The following BLTP3A variants were observed in gnomAD, a reference collection of about 807,000 sequenced individuals.
The protein encoded by BLTP3A is ICBP90 binding protein 1.
the BLTP3A span, among the ~76,000 whole-genome samples, chr6:34,868,769 T>A: frequency 6.7e-5 from 10 of 150,030 alleles, no homozygotes; most frequent in African/African-American, 2.5e-4. Flanking sequence ...TGCGTGCCTA[T>A]AGTTCTAGCT....
the BLTP3A span, among the ~76,000 whole-genome samples, chr6:34,808,771 G>A: frequency 6.6e-6 from 1 of 151,882 alleles, no homozygotes; most frequent in African/African-American, 2.4e-5. Context: ...GTAGAGACAG[G>A]GTTTCATCAT....
the BLTP3A span, among the ~76,000 whole-genome samples, chr6:34,842,781 T>C: frequency 1.9e-4 from 29 of 152,162 alleles, no homozygotes; most frequent in Non-Finnish European, 4.1e-4. Context: ...AGATCAGTGT[T>C]ACAAACTATG....
chr6:34,869,447 A>C, the BLTP3A span, among the ~76,000 whole-genome samples: 1 of 152,128 alleles, frequency 6.6e-6, no homozygotes, highest in South Asian at 2.1e-4. Flanking sequence ...TTACTTTATA[A>C]TTTGTACACG....
At chr6:34,807,236 CATG>C in the BLTP3A span, among the ~76,000 whole-genome samples, 1 of 152,126 alleles carries the variant, frequency 6.6e-6, no homozygotes, top group Non-Finnish European at 1.5e-5. Context: ...ATACATGAGT[CATG>C]AGGTATAGTA....
At chr6:34,822,423 G>A in the BLTP3A span, among the ~76,000 whole-genome samples, 3 of 151,950 alleles carry the variant, frequency 2.0e-5, no homozygotes, top group African/African-American at 7.3e-5. Context: ...ATTTTTAATA[G>A]AGACGAGGTT....
chr6:34,862,916 T>TC, the BLTP3A span, among the ~76,000 whole-genome samples: 1 of 151,852 alleles, frequency 6.6e-6, no homozygotes, highest in Non-Finnish European at 1.5e-5. Flanking sequence ...AATTTGCTTT[T>TC]TTTTTTTATT....
chr6:34,813,498 C>A, the BLTP3A span, among the ~76,000 whole-genome samples: 1 of 152,288 alleles, frequency 6.6e-6, no homozygotes, highest in East Asian at 1.9e-4. Flanking sequence ...GAAACTTGAT[C>A]AAAATCTGTT....
chr6:34,854,090 C>T, the BLTP3A span, among the ~76,000 whole-genome samples: 1 of 151,922 alleles, frequency 6.6e-6, no homozygotes, highest in Non-Finnish European at 1.5e-5. Flanking sequence ...GACATGGTGG[C>T]GCATGCCTGT....
chr6:34,836,226 A>ACAG, the BLTP3A span: 12 of 1,614,050 alleles, frequency 7.4e-6, no homozygotes, highest in Non-Finnish European at 1.0e-5. Context: ...GGCAACAGCA[A>ACAG]CAGCAGCAGC....
the BLTP3A span, chr6:34,855,496 C>A: frequency 8.8e-7 from 1 of 1,139,234 alleles, no homozygotes; most frequent in Non-Finnish European, 1.3e-6. Context: ...GGCCTTTTGG[C>A]TGCACCGTGT....
chr6:34,864,833 C>T, the BLTP3A span, among the ~76,000 whole-genome samples: 7 of 151,790 alleles, frequency 4.6e-5, no homozygotes, highest in African/African-American at 1.7e-4. Flanking sequence ...CTGGGCTTAG[C>T]GGCAGGTGCT....
the BLTP3A span, among the ~76,000 whole-genome samples, chr6:34,825,271 G>GTT: frequency 1.3e-5 from 2 of 151,890 alleles, no homozygotes; most frequent in African/African-American, 4.8e-5. Context: ...ACTTCCAAGG[G>GTT]GGTGAAAGGT....
the BLTP3A span, among the ~76,000 whole-genome samples, chr6:34,796,877 G>C: frequency 5.9e-5 from 9 of 152,124 alleles, no homozygotes; most frequent in Non-Finnish European, 1.2e-4. Context: ...GCTAATTTTT[G>C]TATCTTTAGT....
chr6:34,852,897 T>C, the BLTP3A span, among the ~76,000 whole-genome samples: 8 of 152,180 alleles, frequency 5.3e-5, no homozygotes, highest in Non-Finnish European at 1.0e-4. Flanking sequence ...AAATGCTCTG[T>C]GGGCACTGGC....
chr6:34,857,246 A>T, the BLTP3A span: 1 of 1,505,734 alleles, frequency 6.6e-7, no homozygotes, highest in South Asian at 1.2e-5. Flanking sequence ...GAGGGATGGT[A>T]GAGGCTTTAT....
the BLTP3A span, among the ~76,000 whole-genome samples, chr6:34,833,953 GC>G: frequency 2.1e-5 from 3 of 143,954 alleles, no homozygotes; most frequent in Middle Eastern, 3.6e-3. Context: ...AAAAATTACT[GC>G]AGCCAAGCAC....
chr6:34,810,299 A>G, the BLTP3A span, among the ~76,000 whole-genome samples: 2 of 152,182 alleles, frequency 1.3e-5, no homozygotes, highest in East Asian at 3.8e-4. Flanking sequence ...AACACAAGAG[A>G]CCACTTTTTT....
At chr6:34,863,946 G>A in the BLTP3A span, 1 of 1,493,302 alleles carries the variant, frequency 6.7e-7, no homozygotes, top group Non-Finnish European at 8.9e-7. Context: ...TAAGTGGATG[G>A]GAATAAACAT....
chr6:34,810,014 A>G, the BLTP3A span, among the ~76,000 whole-genome samples: 68,763 of 152,078 alleles, frequency 0.45, 17,783 homozygotes, highest in African/African-American at 0.72. Flanking sequence ...AGGAAGATAA[A>G]TACATTTACA....
Sources: gnomAD v4.1 joint callset for allele counts (sites outside exome capture counted in the v4.1 genomes callset) on GRCh38, gnomAD v4.1.1 for gene constraint, MANE v1.5 for transcripts, NCBI Gene and HGNC (gene_info 2026-07-23, HGNC 2026-07-21) for gene names.